Variants in WWOX observed in about 807,000 individuals in gnomAD.
The protein encoded by WWOX is WW domain-containing oxidoreductase.
A neutral mutation model predicts 46.2 loss-of-function variants in WWOX; 69 were observed. That is an observed-to-expected ratio of 1.49 (90% CI 1.23 to 1.82). WWOX has a LOEUF of 1.82. Among genes scored for constraint, WWOX ranks in the 40% most tolerant of loss-of-function variants. WWOX has a pLI of 0.00. For synonymous variants in WWOX, 359 were observed against 202.6 expected (o/e 1.77, Z -6.56); for missense variants, 919 against 542.6 (o/e 1.69, Z -6.89).
chr16:78,733,779 A>G (rs1245427579), intron 8 of WWOX, among the ~76,000 whole-genome samples: 2 of 151,836 alleles, frequency 1.3e-5, no homozygotes, highest in Non-Finnish European at 2.9e-5. Flanking sequence ...TAAAATAACT[A>G]ACTAGGCTAG....
intron 5 of WWOX, among the ~76,000 whole-genome samples, chr16:78,261,320 T>C (rs1391389505): frequency 6.7e-6 from 1 of 148,944 alleles, no homozygotes; most frequent in Non-Finnish European, 1.5e-5. Context: ...CATATAAAAT[T>C]AGGTAAGAGG....
chr16:78,868,976 C>G (rs1036298266), intron 8 of WWOX, among the ~76,000 whole-genome samples: 10 of 152,152 alleles, frequency 6.6e-5, no homozygotes, highest in Non-Finnish European at 1.3e-4. Context: ...CAGACACACA[C>G]ACACATGCAT....
At chr16:78,654,470 T>G (rs2047036631) in intron 8 of WWOX, among the ~76,000 whole-genome samples, 1 of 152,190 alleles carries the variant, frequency 6.6e-6, no homozygotes, top group Admixed American at 6.5e-5. Flanking sequence ...ATCTCTACCC[T>G]TATGGTTTTT....
rs147960860 is a variant in WWOX at position 78,779,608 on chromosome 16, C to A, written c.1056+346856C>A. The stretch of plus-strand genomic sequence containing the variant: ...TATGAATAGAGTATATTACCCACTT[C>A]ATTTTAAGTAGGAAATTGAAGCTCA... On this transcript the variant is annotated intron_variant, in intron 8 of 8. Transcript: ENST00000566780. 3.7e-3 allele frequency among the ~76,000 whole-genome samples: 564 copies of A among 152,296 alleles called. 6 individuals carry two copies. Among genetic ancestry groups the A allele is most frequent in the South Asian group, 0.02 (94 of 4,820 alleles).
intron 8 of WWOX, among the ~76,000 whole-genome samples, chr16:78,713,492 C>T (rs913591408): frequency 5.3e-5 from 8 of 151,996 alleles, no homozygotes; most frequent in Non-Finnish European, 1.2e-4. Flanking sequence ...TAATGTTACT[C>T]TATTTGGAGA....
chr16:79,182,868 C>G (rs1272767951), intron 8 of WWOX, among the ~76,000 whole-genome samples: 1 of 152,130 alleles, frequency 6.6e-6, no homozygotes, highest in East Asian at 1.9e-4. Context: ...TCCGTAATTC[C>G]AGCTAGGCAA....
At chr16:79,192,593 C>T (rs763203248) in intron 8 of WWOX, among the ~76,000 whole-genome samples, 15 of 152,178 alleles carry the variant, frequency 9.9e-5, no homozygotes, top group African/African-American at 3.1e-4. Context: ...TCTTAAGGTG[C>T]CTAGGTATTC....
intron 8 of WWOX, among the ~76,000 whole-genome samples, chr16:78,689,738 A>G (rs984965756): frequency 2.6e-5 from 4 of 152,142 alleles, no homozygotes; most frequent in Non-Finnish European, 5.9e-5. Context: ...TGTCTTTATT[A>G]TATTTGGAGT....
Position 78,493,669 on chromosome 16 carries a change from A to G in WWOX, c.1056+60917A>G, listed in dbSNP as rs147996390. Among the ~76,000 whole-genome samples the G allele has an allele frequency of 2.6e-5, 4 of 152,334 alleles. No individual in the cohort carries two copies. In the East Asian group the frequency reaches 7.7e-4, roughly 29 times the overall value. ...TATGCACTTATATGTATAGAAGCGT[A>G]TAATCCACAGCACTCCTTCTGAATA... On this transcript the variant is annotated intron_variant, in intron 8 of 8. Coordinates refer to ENST00000566780, the MANE Select transcript of WWOX (RefSeq NM_016373.4).
At chr16:78,484,642 T>G (rs941657285) in intron 8 of WWOX, among the ~76,000 whole-genome samples, 1 of 152,278 alleles carries the variant, frequency 6.6e-6, no homozygotes, top group South Asian at 2.1e-4. Context: ...TGTGTAGAAG[T>G]TGAGTGGATG....
At chr16:79,114,131 A>C (rs1220148027) in intron 8 of WWOX, among the ~76,000 whole-genome samples, 2 of 152,148 alleles carry the variant, frequency 1.3e-5, no homozygotes, top group African/African-American at 4.8e-5. Context: ...CCAGATGACT[A>C]CAGAGTTCAT....
chr16:78,430,296 G>T (rs1180988638), intron 7 of WWOX, among the ~76,000 whole-genome samples: 1 of 152,110 alleles, frequency 6.6e-6, no homozygotes, highest in Non-Finnish European at 1.5e-5. Context: ...GACACATGGG[G>T]GTTATTACAA....
At chr16:78,363,805 G>C (rs1381105822) in intron 5 of WWOX, among the ~76,000 whole-genome samples, 2 of 152,280 alleles carry the variant, frequency 1.3e-5, no homozygotes, top group East Asian at 1.9e-4. Flanking sequence ...GAGACAGTGA[G>C]GTCCTGTAGG....
chr16:78,506,061 T>C (rs2085195507), intron 8 of WWOX, among the ~76,000 whole-genome samples: 2 of 152,152 alleles, frequency 1.3e-5, no homozygotes. Context: ...GAGTATCGGA[T>C]TGGTCTGCGT....
chr16:78,875,754 C>G (rs902867831), intron 8 of WWOX, among the ~76,000 whole-genome samples: 1 of 152,196 alleles, frequency 6.6e-6, no homozygotes, highest in Admixed American at 6.5e-5. Context: ...TTTCAACTGG[C>G]CTGTCAGTGT....
chr16:78,280,115 T>C (rs1283453623), intron 5 of WWOX, among the ~76,000 whole-genome samples: 1 of 152,250 alleles, frequency 6.6e-6, no homozygotes, highest in Non-Finnish European at 1.5e-5. Context: ...TCTACCCAAC[T>C]GGGGGAACAA....
rs541199068 is a variant in WWOX, at chr16:78,301,578, C to T, written c.517-85282C>T. ...AAAATCTGTTAATTAGAATTGTGGG[C>T]GTGCACTCTGTTTATCTCTAACAGA... On this transcript the variant is annotated intron_variant, in intron 5 of 8. Transcript: ENST00000566780. Among the ~76,000 whole-genome samples, 469 of 152,202 alleles carry T rather than the reference C, an allele frequency of 3.1e-3. 1 individual carries two copies. Among genetic ancestry groups the T allele is most frequent in the African/African-American group, 0.011 (445 of 41,518 alleles).
intron 4 of WWOX, among the ~76,000 whole-genome samples, chr16:78,121,666 GT>G (rs58400596): frequency 3.2e-4 from 47 of 145,108 alleles, no homozygotes; most frequent in East Asian, 8.0e-4. Context: ...TGGTGTTTCA[GT>G]TTTTTTTTTT....
chr16:78,594,252 T>C (rs1170496839), intron 8 of WWOX, among the ~76,000 whole-genome samples: 2 of 152,102 alleles, frequency 1.3e-5, no homozygotes, highest in Non-Finnish European at 2.9e-5. Context: ...CATCAATTCA[T>C]ATGGTCCTCT....
Sources: allele counts gnomAD v4.1 joint callset (sites outside exome capture counted in the v4.1 genomes callset), GRCh38; gene constraint gnomAD v4.1.1; transcripts MANE v1.5; gene names NCBI Gene and HGNC (gene_info 2026-07-23, HGNC 2026-07-21).